RARB: variants seen among roughly 807,000 people sequenced by gnomAD.
RARB encodes retinoic acid receptor beta, also known as HBV-activated protein.
A neutral mutation model predicts 51.9 loss-of-function variants in RARB; 17 were observed. The ratio of observed to expected loss-of-function variants is 0.33; its 90% CI spans 0.22 to 0.49. The LOEUF (loss-of-function observed/expected upper bound fraction) is 0.49. Ranked by LOEUF, RARB falls within the 20% of genes least tolerant of loss-of-function variation. The probability of loss-of-function intolerance (pLI) is 0.99; values close to 1 mark genes in which losing one functional copy is unlikely to be tolerated. For synonymous variants in RARB, 215 were observed against 195.4 expected, an observed-to-expected ratio of 1.10 and a Z score of -0.84; for missense variants, 369 against 550.8, an observed-to-expected ratio of 0.67 and a Z score of 3.30.
In RARB at chr3:25,151,000, T is replaced by G. The variant is rs74892389; in HGVS notation, c.-280+18792T>G. Among the ~76,000 whole-genome samples, 1,148 of 152,332 alleles carry G rather than the reference T, an allele frequency of 7.5e-3. 65 individuals carry two copies. In the East Asian group the frequency reaches 0.16, roughly 21 times the overall value. On this transcript the variant is annotated intron_variant, in intron 4 of 11. Transcript: ENST00000383772. ...GCTAATCTATACAATATTTTCCCAT[T>G]TATAGAAGTGGGCAGTTGGCTCAGT...
intron 3 of RARB, among the ~76,000 whole-genome samples, chr3:25,088,062 C>A (rs1699133260): frequency 6.6e-6 from 1 of 151,596 alleles, no homozygotes; most frequent in Non-Finnish European, 1.5e-5. Flanking sequence ...AGCAAAGAAA[C>A]CAAAAATAAG....
chr3:25,429,076 C>T (rs183688101), intron 1 of RARB, among the ~76,000 whole-genome samples, 188 bp downstream of exon 1: 1 of 152,098 alleles, frequency 6.6e-6, no homozygotes, highest in African/African-American at 2.4e-5. Flanking sequence ...TAGATGTTTT[C>T]TTCCCAAATA....
chr3:25,009,795 T>TA (rs1470399331), intron 2 of RARB, among the ~76,000 whole-genome samples: 3 of 152,100 alleles, frequency 2.0e-5, no homozygotes, highest in African/African-American at 7.2e-5. Context: ...TCATTTGCCT[T>TA]ATTCTGTCTG....
chr3:25,151,243 A>T (rs1700281954), intron 4 of RARB, among the ~76,000 whole-genome samples: 1 of 152,224 alleles, frequency 6.6e-6, no homozygotes. Flanking sequence ...GAGTTACAGT[A>T]TGAGGGTAGT....
At chr3:24,852,266 A>T (rs1344247665) in intron 1 of RARB, among the ~76,000 whole-genome samples, 1 of 152,224 alleles carries the variant, frequency 6.6e-6, no homozygotes, top group Non-Finnish European at 1.5e-5. Context: ...CAACATTAAG[A>T]GTGAACCATA....
intron 2 of RARB, among the ~76,000 whole-genome samples, chr3:24,885,580 C>T (rs1417496277): frequency 2.6e-5 from 4 of 152,102 alleles, no homozygotes; most frequent in Non-Finnish European, 5.9e-5. Context: ...AAATCACTAA[C>T]GTCAAAATGA....
chr3:25,378,166 T>G (rs913860909), intron 5 of RARB, among the ~76,000 whole-genome samples: 3 of 152,154 alleles, frequency 2.0e-5, no homozygotes, highest in Non-Finnish European at 4.4e-5. Context: ...ATCACCACAT[T>G]GCATTAGCAC....
chr3:25,217,143 T>C (rs1701852418), intron 5 of RARB, among the ~76,000 whole-genome samples: 1 of 152,222 alleles, frequency 6.6e-6, no homozygotes, highest in Non-Finnish European at 1.5e-5. Context: ...TTCATTACTT[T>C]ATTAGAATTT....
intron 2 of RARB, among the ~76,000 whole-genome samples, chr3:24,994,256 A>G (rs963757990): frequency 3.9e-5 from 6 of 152,068 alleles, no homozygotes; most frequent in African/African-American, 1.4e-4. Flanking sequence ...TTGATAATTC[A>G]TGATGTTGGT....
chr3:25,347,730 T>A (rs886402827), intron 5 of RARB, among the ~76,000 whole-genome samples: 3 of 152,150 alleles, frequency 2.0e-5, no homozygotes, highest in Non-Finnish European at 2.9e-5. Context: ...GATTTGTATT[T>A]TATGAAGAAG....
chr3:25,518,786 CTTTA>C (rs976545034), intron 3 of RARB, among the ~76,000 whole-genome samples: 13 of 152,126 alleles, frequency 8.5e-5, no homozygotes, highest in African/African-American at 3.1e-4. Context: ...ACATTTTTCT[CTTTA>C]TTAAGGTATA....
intron 4 of RARB, among the ~76,000 whole-genome samples, chr3:25,154,285 C>T (rs1559485121): frequency 6.6e-6 from 1 of 152,218 alleles, no homozygotes; most frequent in East Asian, 1.9e-4. Flanking sequence ...CCTTTTGCTC[C>T]ATCCGAGTTC....
At chr3:25,528,547 A>C (rs563071611) in intron 3 of RARB, among the ~76,000 whole-genome samples, 2 of 152,040 alleles carry the variant, frequency 1.3e-5, no homozygotes, top group East Asian at 3.9e-4. Flanking sequence ...AGTAGAAGGA[A>C]GGGAGGACTC....
chr3:25,401,781 G>GT (rs917429547), intron 5 of RARB, among the ~76,000 whole-genome samples: 24 of 151,888 alleles, frequency 1.6e-4, no homozygotes, highest in East Asian at 7.7e-4. Context: ...ATTTTCTTTT[G>GT]TTTTTTTTCT....
rs115407623 is a variant in RARB at position 25,372,326 on chromosome 3, C to T, written c.179-88867C>T. Among the ~76,000 whole-genome samples, 427 of 152,308 alleles carry T rather than the reference C, an allele frequency of 2.8e-3. 2 individuals carry two copies. The highest frequency in any genetic ancestry group is 4.3e-3 in the Non-Finnish European group (291 of 68,028). ...TACCCACTAGATGCCACGCCCATGT[C>T]AACCAAAAATATTTCCAGATATTGC... On this transcript the variant is annotated intron_variant, in intron 5 of 11. Transcript: ENST00000383772.
At chr3:25,231,905 A>G (rs928297586) in intron 5 of RARB, among the ~76,000 whole-genome samples, 8 of 152,072 alleles carry the variant, frequency 5.3e-5, no homozygotes, top group African/African-American at 1.9e-4. Flanking sequence ...AAAAGCTCCT[A>G]ATTTTGATGA....
chr3:25,036,527 G>A (rs1487534581), intron 2 of RARB, among the ~76,000 whole-genome samples: 1 of 152,016 alleles, frequency 6.6e-6, no homozygotes. Context: ...CCTACTGTGT[G>A]CCAACACTGG....
At chr3:25,478,633 G>A (rs190959523) in intron 2 of RARB, among the ~76,000 whole-genome samples, 2 of 152,290 alleles carry the variant, frequency 1.3e-5, no homozygotes, top group East Asian at 3.9e-4. Flanking sequence ...CCTGGTGACT[G>A]AGAAAAATGC....
At chr3:25,202,386 G>C (rs561030720) in intron 5 of RARB, among the ~76,000 whole-genome samples, 1 of 151,962 alleles carries the variant, frequency 6.6e-6, no homozygotes, top group Non-Finnish European at 1.5e-5. Context: ...AAAAAAAACA[G>C]CTCCTGGATT....
Sources: gnomAD v4.1 joint callset for allele counts (sites outside exome capture counted in the v4.1 genomes callset) on GRCh38, gnomAD v4.1.1 for gene constraint, MANE v1.5 for transcripts, NCBI Gene and HGNC (gene_info 2026-07-23, HGNC 2026-07-21) for gene names.